Variants in CFAP58 observed in about 807,000 individuals in gnomAD.
CFAP58 encodes cilia- and flagella-associated protein 58.
A neutral mutation model predicts 119.5 loss-of-function variants in CFAP58; 88 were observed. The observed-to-expected ratio is 0.74, with a 90% CI of 0.62 to 0.88. CFAP58 has a LOEUF of 0.88. Among genes scored for constraint, CFAP58 ranks in the 40% least tolerant of loss-of-function variants. CFAP58 has a pLI of 0.00. For missense variants in CFAP58, 990 were observed against 1,021.2 expected (o/e 0.97, Z 0.42); for synonymous variants, 365 against 366.3 (o/e 1.00, Z 0.04).
upstream of CFAP58, chr10:104,353,795 C>G: frequency 7.0e-7 from 1 of 1,418,464 alleles, no homozygotes; most frequent in Non-Finnish European, 9.7e-7. Flanking sequence ...TCGGGGCGGG[C>G]GATAGAGACA....
chr10:104,397,708 C>T (rs2012189585), intron 11 of CFAP58, among the ~76,000 whole-genome samples: 1 of 152,194 alleles, frequency 6.6e-6, no homozygotes, highest in Non-Finnish European at 1.5e-5. Context: ...ATTATCTTGT[C>T]ATCTCCGTTG....
At chr10:104,454,346 C>T (rs1328420491) in intron 17 of CFAP58, 76 bp from the exon 18 acceptor site, 2 of 1,156,150 alleles carry the variant, frequency 1.7e-6, no homozygotes, top group Non-Finnish European at 2.6e-6. Flanking sequence ...GTGGCTAACA[C>T]ACCCTAGGAT....
intron 15 of CFAP58, among the ~76,000 whole-genome samples, chr10:104,409,397 T>C (rs1310168018): frequency 6.6e-6 from 1 of 152,208 alleles, no homozygotes; most frequent in African/African-American, 2.4e-5. Flanking sequence ...TTGAACTTGA[T>C]TTGTGACCAA....
chr10:104,438,333 TGTTTTTTGTTTTTTGTTTTTTTTTTTTG>T (rs2012968782), intron 15 of CFAP58, among the ~76,000 whole-genome samples: 1 of 136,064 alleles, frequency 7.3e-6, no homozygotes, highest in African/African-American at 3.0e-5. Context: ...ATTGTTTTTT[TGTTTTTTGTTTTTTGTTTTTTTTTTTTG>T]TTTTTTTTTT....
chr10:104,371,645 A>C (rs904102252), intron 7 of CFAP58, among the ~76,000 whole-genome samples: 55 of 152,212 alleles, frequency 3.6e-4, no homozygotes, highest in African/African-American at 1.3e-3. Flanking sequence ...ATCCCGTCTC[A>C]CCACATCTGG....
chr10:104,401,146 GT>G (rs1432596906), intron 13 of CFAP58, among the ~76,000 whole-genome samples: 2 of 152,186 alleles, frequency 1.3e-5, no homozygotes, highest in East Asian at 3.9e-4. Context: ...GTGCAAAAAG[GT>G]TTTTAAAAAA....
chr10:104,368,316 C>A (rs1380544249), intron 5 of CFAP58, 107 bp from the exon 6 acceptor site: 1 of 976,230 alleles, frequency 1.0e-6, no homozygotes, highest in Non-Finnish European at 1.5e-6. Context: ...GACAAAAACT[C>A]AGGGTTGCTG....
At chr10:104,401,502 CT>C in intron 13 of CFAP58, among the ~76,000 whole-genome samples, 1 of 152,326 alleles carries the variant, frequency 6.6e-6, no homozygotes, top group Admixed American at 6.5e-5. Context: ...TCTACTTTCC[CT>C]TTGGGAAAAC....
Position 104,454,732 on chromosome 10 carries a change from T to C in CFAP58, c.*202T>C, listed in dbSNP as rs2013253677. On this transcript the variant is annotated 3_prime_UTR_variant, in exon 18 of 18. Transcript: ENST00000369704. ...CGTTGATATTAACAGATCATAATTCTCTCTGTTCAGTTAGGCTGACCTATT... is the reference window on the plus strand; with the variant it reads ...CGTTGATATTAACAGATCATAATTCCCTCTGTTCAGTTAGGCTGACCTATT... 5.6e-6 allele frequency: 3 copies of C among 539,246 alleles called. No homozygotes were observed. The highest frequency in any genetic ancestry group is 5.3e-5 in the South Asian group (2 of 37,408). The allele number at this position is 539,246 out of a possible 1,614,324, so 33.4% of individuals were successfully genotyped here.
chr10:104,357,970 C>CATATATACACAT (rs200290661), intron 1 of CFAP58, among the ~76,000 whole-genome samples: 17 of 105,514 alleles, frequency 1.6e-4, no homozygotes, highest in South Asian at 7.6e-4. Context: ...TATATGTACA[C>CATATATACACAT]ATATGTACAT....
chr10:104,380,206 G>T lies in CFAP58; in HGVS notation c.1351G>T (p.Asp451Tyr). Residue 451 changes from aspartate to tyrosine, a missense_variant, in exon 9 of 18, where the codon GAC becomes TAC. Coordinates refer to ENST00000369704, the MANE Select transcript of CFAP58 (RefSeq NM_001008723.2). ...TGACCGGTACATCAACCAAGCCAGT[G>T]ACCTTACGCAAAAGGTAAGCTGCTC... ...ERDRYINQAS[D>Y]LTQKVLMNME... 2 of 1,613,686 alleles carry T rather than the reference G, an allele frequency of 1.2e-6. No individual in the cohort carries two copies. The highest frequency in any genetic ancestry group is 2.2e-5 in the South Asian group (2 of 90,998).
In CFAP58 at chr10:104,454,594, G is replaced by GA. The variant is rs2013251497; in HGVS notation, c.*66dup. On this transcript the variant is annotated 3_prime_UTR_variant, in exon 18 of 18. Transcript: ENST00000369704. ...AAATCTGCTCTGGGACATTTTGGGG[G>GA]AATCTCAAAGTCCTTGGATCATAGA... 3 of 1,175,184 alleles carry GA rather than the reference G, an allele frequency of 2.6e-6. No homozygotes were observed. The highest frequency in any genetic ancestry group is 3.5e-5 in the Admixed American group (2 of 57,028). The allele number at this position is 1,175,184 out of a possible 1,614,324, so 72.8% of individuals were successfully genotyped here.
chr10:104,438,436 C>T (rs1448530869), intron 15 of CFAP58, among the ~76,000 whole-genome samples: 1 of 140,712 alleles, frequency 7.1e-6, no homozygotes, highest in Non-Finnish European at 1.5e-5. Context: ...ACTGCAGTGG[C>T]GCAATCTCGG....
At position 104,400,745 on chromosome 10, in the gene CFAP58, C is replaced by T. The variant is rs1271373844; in HGVS notation, c.1881C>T (p.Leu627=). The change falls in exon 13 of 18, where the codon CTC becomes CTT. Residue 627 remains leucine (L), a synonymous_variant. Coordinates refer to ENST00000369704, the MANE Select transcript of CFAP58 (RefSeq NM_001008723.2). ...LVRRNDELAL[L]YEKIKIQQSV... ...GGCGCAATGATGAGTTAGCTTTGCT[C>T]TATGAGAAGATCAAGATCCAACAGT... is the stretch of plus-strand genomic sequence containing the variant. 1 of 1,614,056 alleles carries T rather than the reference C, an allele frequency of 6.2e-7. No individual in the cohort carries two copies. The highest frequency in any genetic ancestry group is 2.2e-5 in the East Asian group (1 of 44,872).
At chr10:104,347,032 G>C in the CFAP58 span, among the ~76,000 whole-genome samples, 1 of 152,010 alleles carries the variant, frequency 6.6e-6, no homozygotes, top group African/African-American at 2.4e-5. Context: ...GGTGTCTTGG[G>C]CAAGAAGCAC....
At chr10:104,360,089 A>G (rs2014645689) in intron 2 of CFAP58, among the ~76,000 whole-genome samples, 1 of 152,246 alleles carries the variant, frequency 6.6e-6, no homozygotes, top group African/African-American at 2.4e-5. Flanking sequence ...TGTTACATTA[A>G]ATACTCTCTT....
chr10:104,367,776 C>T (rs1344127741), intron 5 of CFAP58, among the ~76,000 whole-genome samples: 26 of 152,122 alleles, frequency 1.7e-4, no homozygotes, highest in Admixed American at 1.7e-3. Flanking sequence ...CCTCAATATT[C>T]CCCCAATAGA....
At chr10:104,397,177 G>A (rs1465645085) in intron 11 of CFAP58, among the ~76,000 whole-genome samples, 1 of 152,178 alleles carries the variant, frequency 6.6e-6, no homozygotes, top group Non-Finnish European at 1.5e-5. Flanking sequence ...ATTAAAGAAA[G>A]CATGAGCCAA....
At chr10:104,382,578 A>G (rs998499165) in intron 9 of CFAP58, among the ~76,000 whole-genome samples, 2 of 152,202 alleles carry the variant, frequency 1.3e-5, no homozygotes, top group Non-Finnish European at 2.9e-5. Flanking sequence ...GTTTAGCTCT[A>G]TGTCTCCACC....
Sources: gnomAD v4.1 joint callset for allele counts (sites outside exome capture counted in the v4.1 genomes callset) on GRCh38, gnomAD v4.1.1 for gene constraint, MANE v1.5 for transcripts, NCBI Gene and HGNC (gene_info 2026-07-23, HGNC 2026-07-21) for gene names.